Variants in PTPRD observed in about 807,000 individuals in gnomAD.
PTPRD encodes the protein receptor-type tyrosine-protein phosphatase delta.
PTPRD carries 34 observed loss-of-function variants against 214.5 expected under a neutral mutation model. That is an observed-to-expected ratio of 0.16 (90% CI 0.12 to 0.21). The LOEUF (loss-of-function observed/expected upper bound fraction) is 0.21. PTPRD is among the 10% of genes least tolerant of loss of function. The pLI is 1.00. For synonymous variants in PTPRD, 1,128 were observed against 845.7 expected, an observed-to-expected ratio of 1.33 and a Z score of -5.79; for missense variants, 2,545 against 2,398.7, an observed-to-expected ratio of 1.06 and a Z score of -1.27.
intron 2 of PTPRD, among the ~76,000 whole-genome samples, chr9:10,388,177 A>T (rs1168933802): frequency 6.6e-6 from 1 of 151,894 alleles, no homozygotes; most frequent in Non-Finnish European, 1.5e-5. Flanking sequence ...AATGCAATAC[A>T]AAAGATGCTA....
At position 10,011,438 on chromosome 9, in the gene PTPRD, T is replaced by C. The variant is rs531545176; in HGVS notation, c.-472+22280A>G. 5.3e-5 allele frequency among the ~76,000 whole-genome samples: 8 copies of C among 152,104 alleles called. 1 individual carries two copies. In the South Asian group the frequency reaches 1.7e-3, roughly 32 times the overall value. ...ACAAAACAAATAAAAGAAGAACTTA[T>C]TCTAACTCATTTTTTGCTTTTAGCT... On this transcript the variant is annotated intron_variant, in intron 4 of 45. Coordinates refer to ENST00000381196, the MANE Select transcript of PTPRD (RefSeq NM_002839.4).
At chr9:9,134,454 A>G (rs1040791562) in intron 10 of PTPRD, among the ~76,000 whole-genome samples, 17 of 151,982 alleles carry the variant, frequency 1.1e-4, no homozygotes, top group Non-Finnish European at 2.2e-4. Flanking sequence ...TCACACCTCC[A>G]CTTGGTCTAT....
At chr9:8,823,302 G>T (rs988656154) in intron 11 of PTPRD, among the ~76,000 whole-genome samples, 22 of 151,976 alleles carry the variant, frequency 1.4e-4, no homozygotes, top group African/African-American at 5.3e-4. Flanking sequence ...AGCTTTAATT[G>T]CCATCTTTGG....
intron 11 of PTPRD, among the ~76,000 whole-genome samples, chr9:8,898,310 AC>A: frequency 6.6e-6 from 1 of 152,098 alleles, no homozygotes; most frequent in Non-Finnish European, 1.5e-5. Flanking sequence ...AATCTCCTAT[AC>A]TTGGAAGCAA....
intron 2 of PTPRD, among the ~76,000 whole-genome samples, chr9:10,530,368 A>C (rs1194435031): frequency 6.6e-6 from 1 of 152,214 alleles, no homozygotes; most frequent in Non-Finnish European, 1.5e-5. Context: ...CGAAAAAGTA[A>C]GAAATGCAAA....
chr9:9,156,821 A>G (rs572065875), intron 10 of PTPRD, among the ~76,000 whole-genome samples: 56 of 152,294 alleles, frequency 3.7e-4, no homozygotes, highest in African/African-American at 1.2e-3. Context: ...TTTTTGATCA[A>G]TTTGGCTGGT....
intron 43 of PTPRD, among the ~76,000 whole-genome samples, chr9:8,332,568 G>GTCTT (rs1397569525): frequency 2.6e-5 from 4 of 152,154 alleles, no homozygotes; most frequent in South Asian, 4.1e-4. Flanking sequence ...TTGAAGAGCA[G>GTCTT]TCTTTCTTTT....
intron 5 of PTPRD, among the ~76,000 whole-genome samples, chr9:9,806,188 C>T (rs1398077370): frequency 1.3e-5 from 2 of 152,018 alleles, no homozygotes; most frequent in African/African-American, 2.4e-5. Context: ...TCCAATTCAC[C>T]CCCAGGAATG....
At chr9:8,996,223 T>A (rs2099396066) in intron 11 of PTPRD, among the ~76,000 whole-genome samples, 1 of 152,074 alleles carries the variant, frequency 6.6e-6, no homozygotes, top group Non-Finnish European at 1.5e-5. Context: ...CCAAAATTCC[T>A]TCAACTGGTG....
intron 5 of PTPRD, among the ~76,000 whole-genome samples, chr9:9,889,446 G>A (rs1020867986): frequency 3.9e-5 from 6 of 152,042 alleles, no homozygotes; most frequent in Non-Finnish European, 2.9e-5. Flanking sequence ...AGTCCTCACT[G>A]AGGAGGCAAC....
chr9:10,439,529 A>G (rs1023006164), intron 2 of PTPRD, among the ~76,000 whole-genome samples: 18 of 151,852 alleles, frequency 1.2e-4, no homozygotes, highest in African/African-American at 4.3e-4. Flanking sequence ...AAGGGTGAAG[A>G]ACAGAATGAA....
intron 2 of PTPRD, among the ~76,000 whole-genome samples, chr9:10,429,862 T>C (rs1183343581): frequency 1.3e-5 from 2 of 151,940 alleles, no homozygotes; most frequent in East Asian, 1.9e-4. Flanking sequence ...TAGGGCATTG[T>C]TCCCCTTCCT....
intron 3 of PTPRD, among the ~76,000 whole-genome samples, chr9:10,162,698 T>C (rs1018272080): frequency 4.1e-5 from 6 of 147,066 alleles, no homozygotes; most frequent in East Asian, 3.9e-4. Flanking sequence ...TGTATATATA[T>C]ACATATACAC....
intron 2 of PTPRD, among the ~76,000 whole-genome samples, chr9:10,461,233 G>A (rs1268622810): frequency 8.4e-6 from 1 of 119,488 alleles, no homozygotes; most frequent in South Asian, 2.9e-4. Context: ...AAAGATAAGA[G>A]ATAACAGGTG....
At chr9:10,584,176 C>T (rs1158969660) in intron 2 of PTPRD, among the ~76,000 whole-genome samples, 1 of 135,754 alleles carries the variant, frequency 7.4e-6, no homozygotes, top group Admixed American at 7.7e-5. Context: ...ACTGGCATGA[C>T]AATTACAAAA....
At chr9:10,567,090 T>C (rs753329502) in intron 2 of PTPRD, among the ~76,000 whole-genome samples, 3 of 152,130 alleles carry the variant, frequency 2.0e-5, no homozygotes, top group Admixed American at 6.6e-5. Context: ...TTCTCTCTCC[T>C]AGTATTTAGT....
Position 9,607,005 on chromosome 9 carries a change from A to AAT in PTPRD, c.-286-32225_-286-32224insAT, listed in dbSNP as rs1187365479. Among the ~76,000 whole-genome samples, 180 of 119,676 alleles carry AAT rather than the reference A, an allele frequency of 1.5e-3. 33 individuals are homozygous for AAT. Among genetic ancestry groups the AAT allele is most frequent in the Non-Finnish European group, 2.3e-3 (134 of 57,730 alleles). 78.5% of individuals were successfully genotyped at this position (119,676 alleles called of 152,430 possible). A position where few individuals can be genotyped will look rare whatever the true frequency, so the allele number is the denominator to read the frequency against. Reference sequence around the variant, plus strand: ...AAAAAAAAAAAAAAAAAAAAAAAAAAGTGTTTCTGCCATGTCACCGACCAG... The same window carrying AAT: ...AAAAAAAAAAAAAAAAAAAAAAAAAAATGTGTTTCTGCCATGTCACCGACCAG... On this transcript the variant is annotated intron_variant, in intron 7 of 45. Coordinates refer to ENST00000381196, the MANE Select transcript of PTPRD (RefSeq NM_002839.4).
chr9:10,125,443 T>C (rs936872561), intron 3 of PTPRD, among the ~76,000 whole-genome samples: 3 of 111,276 alleles, frequency 2.7e-5, no homozygotes, highest in Non-Finnish European at 3.8e-5. Flanking sequence ...TTATTATTAT[T>C]ATTATTATTA....
chr9:8,655,397 A>C (rs940156864), intron 12 of PTPRD, among the ~76,000 whole-genome samples: 1 of 152,204 alleles, frequency 6.6e-6, no homozygotes, highest in Admixed American at 6.5e-5. Context: ...TAGGGGTTAA[A>C]AAGAGCAAAG....
Sources: allele counts gnomAD v4.1 joint callset (sites outside exome capture counted in the v4.1 genomes callset), GRCh38; gene constraint gnomAD v4.1.1; transcripts MANE v1.5; gene names NCBI Gene and HGNC (gene_info 2026-07-23, HGNC 2026-07-21).